MMP16: variants seen among roughly 807,000 people sequenced by gnomAD.
MMP16 encodes the protein matrix metallopeptidase 16.
A neutral mutation model predicts 67.8 loss-of-function variants in MMP16; 12 were observed. That is an observed-to-expected ratio of 0.18 (90% CI 0.11 to 0.29). The LOEUF (loss-of-function observed/expected upper bound fraction) is 0.29, where lower values mean the gene tolerates loss of function less well. Among genes scored for constraint, MMP16 ranks in the 10% least tolerant of loss-of-function variants. The pLI is 1.00. For synonymous variants in MMP16, 249 were observed against 255.9 expected (o/e 0.97, Z 0.26); for missense variants, 475 against 765.7 (o/e 0.62, Z 4.48).
At chr8:88,315,610 G>A (rs1811364768) in intron 1 of MMP16, among the ~76,000 whole-genome samples, 3 of 152,082 alleles carry the variant, frequency 2.0e-5, no homozygotes, top group Admixed American at 1.3e-4. Context: ...AACTAAATGT[G>A]TGTGTGTTCT....
rs112993734 is a variant in MMP16, at chr8:88,075,180, G to A, written c.1084-437C>T. ...ATAGAGAGTCCACACCTGTCTGTAC[G>A]CCCCTGTTATGCCTATTGTCTCATA... On this transcript the variant is annotated intron_variant, in intron 6 of 9. Transcript: ENST00000286614. 1.6e-3 allele frequency among the ~76,000 whole-genome samples: 244 copies of A among 152,156 alleles called. 1 individual carries two copies. The highest frequency in any genetic ancestry group is 6.8e-3 in the Middle Eastern group (2 of 294).
intron 4 of MMP16, among the ~76,000 whole-genome samples, chr8:88,146,480 G>A (rs1407877121): frequency 6.6e-6 from 1 of 151,732 alleles, no homozygotes; most frequent in Non-Finnish European, 1.5e-5. Flanking sequence ...ATATCCACAT[G>A]GAACATATAT....
chr8:88,033,528 ATGAAC>A lies in MMP16; in HGVS notation c.*7928_*7932del, dbSNP rs1808012802. 6.6e-6 allele frequency: 1 copy of A among 151,938 alleles called. No homozygotes were observed. The highest frequency in any genetic ancestry group is 1.5e-5 in the Non-Finnish European group (1 of 67,932). 9.4% of individuals were successfully genotyped at this position (151,938 alleles called of 1,614,324 possible). ...TCTTTTAAAAAAGCATCAACCAACT[ATGAAC>A]TAATTAGATTTTATGTTTTTGTTTA... On this transcript the variant is annotated 3_prime_UTR_variant, in exon 10 of 10. Transcript: ENST00000286614.
chr8:88,194,949 A>T (rs181642441), intron 2 of MMP16, among the ~76,000 whole-genome samples: 516 of 152,218 alleles, frequency 3.4e-3, no homozygotes, highest in African/African-American at 0.012. Flanking sequence ...TTTCTCTATA[A>T]TGCCCTATCA....
intron 6 of MMP16, among the ~76,000 whole-genome samples, chr8:88,096,467 T>C (rs1809028098): frequency 6.6e-6 from 1 of 151,986 alleles, no homozygotes; most frequent in African/African-American, 2.4e-5. Context: ...TTGAACAAAG[T>C]TGAGGACTGT....
intron 4 of MMP16, among the ~76,000 whole-genome samples, chr8:88,141,012 G>T (rs1808202308): frequency 6.6e-6 from 1 of 152,070 alleles, no homozygotes; most frequent in African/African-American, 2.4e-5. Context: ...TTGTGGAACA[G>T]AATAAATGTA....
intron 4 of MMP16, among the ~76,000 whole-genome samples, chr8:88,140,135 G>A (rs1230806534): frequency 3.3e-5 from 5 of 152,046 alleles, no homozygotes; most frequent in Admixed American, 6.6e-5. Flanking sequence ...GACTGAGGCT[G>A]GAGTCTACTT....
chr8:88,206,504 G>A (rs1809429213), intron 1 of MMP16, among the ~76,000 whole-genome samples: 1 of 152,168 alleles, frequency 6.6e-6, no homozygotes. Flanking sequence ...GTGAGGGAGG[G>A]TGTGAGTGCG....
chr8:88,266,419 C>A (rs998456965), intron 1 of MMP16, among the ~76,000 whole-genome samples: 1 of 152,128 alleles, frequency 6.6e-6, no homozygotes, highest in East Asian at 1.9e-4. Flanking sequence ...ATAACAGTGT[C>A]ATTGGTGGTT....
intron 4 of MMP16, among the ~76,000 whole-genome samples, chr8:88,157,296 T>C (rs776939178): frequency 1.3e-5 from 2 of 152,050 alleles, no homozygotes; most frequent in South Asian, 2.1e-4. Flanking sequence ...ATTTACCTTG[T>C]TATAGGTAGT....
chr8:88,304,438 T>G (rs1340043962), intron 1 of MMP16, among the ~76,000 whole-genome samples: 1 of 152,098 alleles, frequency 6.6e-6, no homozygotes, highest in African/African-American at 2.4e-5. Flanking sequence ...ATTCAGGAAC[T>G]GCAGAGAACC....
intron 6 of MMP16, among the ~76,000 whole-genome samples, chr8:88,112,735 A>G (rs1201714201): frequency 6.6e-6 from 1 of 150,762 alleles, no homozygotes; most frequent in Non-Finnish European, 1.5e-5. Flanking sequence ...ACAGAAACAC[A>G]TATCTAGGTG....
At chr8:88,303,429 C>A (rs1274003549) in intron 1 of MMP16, among the ~76,000 whole-genome samples, 1 of 152,184 alleles carries the variant, frequency 6.6e-6, no homozygotes, top group African/African-American at 2.4e-5. Flanking sequence ...GAGGGGTCCC[C>A]CACAATGCAG....
intron 1 of MMP16, among the ~76,000 whole-genome samples, chr8:88,300,276 C>A (rs1314341935): frequency 6.6e-6 from 1 of 152,180 alleles, no homozygotes; most frequent in African/African-American, 2.4e-5. Flanking sequence ...CTAAGTAGTA[C>A]ACAGAAGCCC....
intron 5 of MMP16, among the ~76,000 whole-genome samples, chr8:88,118,359 CTTG>C (rs1418088285): frequency 6.6e-6 from 1 of 150,384 alleles, no homozygotes; most frequent in Non-Finnish European, 1.5e-5. Context: ...TATATTTTTC[CTTG>C]TTTTTTTTTG....
chr8:88,082,334 C>T (rs1370226030), intron 6 of MMP16, among the ~76,000 whole-genome samples: 1 of 152,092 alleles, frequency 6.6e-6, no homozygotes, highest in Non-Finnish European at 1.5e-5. Context: ...TGCAAAATGG[C>T]ATGATGCCTG....
chr8:88,096,987 A>G (rs1409995711), intron 6 of MMP16, among the ~76,000 whole-genome samples: 1 of 151,942 alleles, frequency 6.6e-6, no homozygotes, highest in Non-Finnish European at 1.5e-5. Context: ...CATTGAAAGA[A>G]AAGACATTCC....
intron 8 of MMP16, among the ~76,000 whole-genome samples, chr8:88,050,806 G>A (rs1181948720): frequency 6.6e-6 from 1 of 152,062 alleles, no homozygotes; most frequent in Non-Finnish European, 1.5e-5. Context: ...TTCCTTTCTT[G>A]CTTAGTCTGT....
intron 9 of MMP16, among the ~76,000 whole-genome samples, chr8:88,042,505 C>T (rs964521869): frequency 1.3e-5 from 2 of 152,042 alleles, no homozygotes; most frequent in Non-Finnish European, 2.9e-5. Context: ...CTCCTTTTGT[C>T]CTCTTTATTT....
Sources: allele counts gnomAD v4.1 joint callset (sites outside exome capture counted in the v4.1 genomes callset), GRCh38; gene constraint gnomAD v4.1.1; transcripts MANE v1.5; gene names NCBI Gene and HGNC (gene_info 2026-07-23, HGNC 2026-07-21).